NPIPB2: variants seen among roughly 807,000 people sequenced by gnomAD.
NPIPB2 encodes the protein nuclear pore complex interacting protein family member B2.
A neutral mutation model predicts 30.8 loss-of-function variants in NPIPB2; 27 were observed. The observed-to-expected ratio is 0.88, with a 90% CI of 0.65 to 1.21. The LOEUF (loss-of-function observed/expected upper bound fraction) is 1.21. Among genes scored for constraint, NPIPB2 ranks in the 50% most tolerant of loss-of-function variants. NPIPB2 has a pLI of 0.00. For synonymous variants in NPIPB2, 147 were observed against 162.0 expected (o/e 0.91, Z 0.70); for missense variants, 440 against 446.2 (o/e 0.99, Z 0.13).
At chr16:11,951,223 G>A (rs1037407062) in intron 1 of NPIPB2, among the ~76,000 whole-genome samples, 2 of 151,748 alleles carry the variant, frequency 1.3e-5, no homozygotes, top group Non-Finnish European at 2.9e-5. Context: ...TTGAGAGGCC[G>A]AGGCGGGTGG....
At chr16:11,934,843 G>C (rs2054843857) in intron 2 of NPIPB2, among the ~76,000 whole-genome samples, 1 of 114,820 alleles carries the variant, frequency 8.7e-6, no homozygotes, top group Non-Finnish European at 1.9e-5. Context: ...TGGTGACAGA[G>C]TGAGACTCTG....
chr16:11,944,513 A>G (rs2054981535), upstream of NPIPB2, among the ~76,000 whole-genome samples: 1 of 151,700 alleles, frequency 6.6e-6, no homozygotes, highest in African/African-American at 2.4e-5. Flanking sequence ...CTGTAATCCC[A>G]GCACTTTGGG....
intron 1 of NPIPB2, among the ~76,000 whole-genome samples, chr16:11,949,916 T>C (rs975450659): frequency 9.9e-5 from 15 of 152,246 alleles, no homozygotes; most frequent in African/African-American, 3.4e-4. Flanking sequence ...AGATACAGTA[T>C]ATTCATTGCC....
intron 2 of NPIPB2, among the ~76,000 whole-genome samples, chr16:11,934,326 G>A (rs528376097): frequency 3.2e-4 from 49 of 151,128 alleles, no homozygotes; most frequent in African/African-American, 1.1e-3. Flanking sequence ...GGCCGAGGCA[G>A]GCGGATCACC....
chr16:11,944,860 G>C (rs1167978302), upstream of NPIPB2, among the ~76,000 whole-genome samples: 1 of 151,522 alleles, frequency 6.6e-6, no homozygotes, highest in Non-Finnish European at 1.5e-5. Context: ...AAATGGAGAT[G>C]AGGAAACCTT....
intron 1 of NPIPB2, among the ~76,000 whole-genome samples, chr16:11,951,656 ACACACACACACC>A (rs1175110767): frequency 1.3e-4 from 19 of 147,168 alleles, no homozygotes; most frequent in African/African-American, 4.8e-4. Context: ...ACACACACAC[ACACACACACACC>A]CAGCCCCCAA....
intron 1 of NPIPB2, chr16:11,956,095 T>C (rs1279329176): frequency 6.6e-6 from 1 of 152,212 alleles, no homozygotes; most frequent in Admixed American, 6.6e-5. Flanking sequence ...CTGCGCCTCT[T>C]CCATGAACAA....
At chr16:11,969,781 G>A (rs543447597) in intron 1 of NPIPB2, among the ~76,000 whole-genome samples, 2 of 152,088 alleles carry the variant, frequency 1.3e-5, no homozygotes, top group African/African-American at 4.8e-5. Context: ...AATGTGAGTG[G>A]TGCTATAATA....
upstream of NPIPB2, among the ~76,000 whole-genome samples, chr16:11,946,867 C>T (rs911596456): frequency 2.0e-5 from 3 of 151,358 alleles, 1 homozygote; most frequent in East Asian, 3.9e-4. Flanking sequence ...TTACAGGCGC[C>T]CGCCACCACA....
exon 8 of NPIPB2, chr16:11,927,658 A>G (rs2054746213): frequency 6.3e-7 from 1 of 1,598,300 alleles, no homozygotes; most frequent in African/African-American, 1.4e-5. Flanking sequence ...GAGTGAGCAG[A>G]CACTCGGGAG....
chr16:11,958,074 A>G (rs1027834929), intron 1 of NPIPB2, among the ~76,000 whole-genome samples: 3 of 152,156 alleles, frequency 2.0e-5, no homozygotes, highest in Non-Finnish European at 2.9e-5. Flanking sequence ...GAACTTTCTA[A>G]CATTGTCTTT....
At chr16:11,936,360 C>T (rs932011920) in intron 2 of NPIPB2, among the ~76,000 whole-genome samples, 27 of 151,038 alleles carry the variant, frequency 1.8e-4, no homozygotes, top group Admixed American at 1.3e-4. Context: ...ACCGAAAATT[C>T]TCTGTTCAGG....
At chr16:11,933,254 G>C (rs1420501553) in intron 4 of NPIPB2, among the ~76,000 whole-genome samples, 1 of 144,596 alleles carries the variant, frequency 6.9e-6, no homozygotes, top group Non-Finnish European at 1.5e-5. Context: ...CTCCATCTCA[G>C]GAAAAAAAAA....
chr16:11,963,769 C>A (rs2055171843), intron 1 of NPIPB2: 1 of 149,758 alleles, frequency 6.7e-6, no homozygotes, highest in Non-Finnish European at 1.5e-5. Context: ...GGCTTAGTGG[C>A]TCACACCTGT....
chr16:11,973,225 C>G (rs559686642), intron 1 of NPIPB2, among the ~76,000 whole-genome samples: 3 of 150,586 alleles, frequency 2.0e-5, no homozygotes, highest in Non-Finnish European at 4.4e-5. Context: ...AGGAGTCTAT[C>G]GTGAGGCATG....
At chr16:11,972,270 T>C (rs952006010) in intron 1 of NPIPB2, among the ~76,000 whole-genome samples, 12 of 152,276 alleles carry the variant, frequency 7.9e-5, no homozygotes, top group African/African-American at 2.9e-4. Context: ...ATTGTAAATG[T>C]TTCCTACTAA....
chr16:11,965,181 C>T (rs11570139), intron 1 of NPIPB2: 270,333 of 1,026,146 alleles, frequency 0.26, 40,467 homozygotes, highest in Non-Finnish European at 0.32. Context: ...AGACAGCCCC[C>T]GTAAGAACCC....
chr16:11,966,631 G>T (rs2055196495), intron 1 of NPIPB2, among the ~76,000 whole-genome samples: 1 of 152,138 alleles, frequency 6.6e-6, no homozygotes, highest in Non-Finnish European at 1.5e-5. Flanking sequence ...TTTGACTAAA[G>T]TTAGCACATC....
intron 1 of NPIPB2, among the ~76,000 whole-genome samples, chr16:11,955,919 C>T (rs1259830660): frequency 6.6e-6 from 1 of 150,956 alleles, no homozygotes; most frequent in African/African-American, 2.4e-5. Context: ...AAAAACCGGT[C>T]ACCCACTTAG....
Sources: allele counts gnomAD v4.1 joint callset (sites outside exome capture counted in the v4.1 genomes callset), GRCh38; gene constraint gnomAD v4.1.1; transcripts MANE v1.5; gene names NCBI Gene and HGNC (gene_info 2026-07-23, HGNC 2026-07-21).